Variants in GRIK2 observed in about 807,000 individuals in gnomAD.
GRIK2 encodes the protein glutamate ionotropic receptor kainate type subunit 2, also known as glutamate receptor ionotropic, kainate 2.
A neutral mutation model predicts 100.3 loss-of-function variants in GRIK2; 32 were observed. That is an observed-to-expected ratio of 0.32 (90% CI 0.24 to 0.43). The LOEUF is 0.43. Ranked by LOEUF, GRIK2 falls within the 20% of genes least tolerant of loss-of-function variation. The pLI, the probability that GRIK2 is intolerant of heterozygous loss-of-function variation, is 1.00. For missense variants in GRIK2, 843 were observed against 1,114.9 expected (o/e 0.76, Z 3.47); for synonymous variants, 417 against 389.4 (o/e 1.07, Z -0.83).
intron 4 of GRIK2, among the ~76,000 whole-genome samples, chr6:101,673,323 A>G (rs1199343182): frequency 1.3e-5 from 2 of 152,204 alleles, no homozygotes; most frequent in Non-Finnish European, 2.9e-5. Context: ...ATCTCACACT[A>G]GCCAGCATGG....
At chr6:101,455,413 G>A (rs1013951382) in intron 2 of GRIK2, among the ~76,000 whole-genome samples, 2 of 151,980 alleles carry the variant, frequency 1.3e-5, no homozygotes, top group Admixed American at 1.3e-4. Flanking sequence ...ATTGGGGTTG[G>A]GAGTGGGATG....
intron 14 of GRIK2, among the ~76,000 whole-genome samples, chr6:101,956,370 C>T (rs879039260): frequency 9.9e-5 from 15 of 152,176 alleles, no homozygotes; most frequent in South Asian, 4.1e-4. Context: ...TTTTGATCCA[C>T]GAACTTGAGA....
intron 2 of GRIK2, among the ~76,000 whole-genome samples, chr6:101,579,278 G>T (rs1777937673): frequency 6.6e-6 from 1 of 152,068 alleles, no homozygotes; most frequent in African/African-American, 2.4e-5. Context: ...CAAAATGAAG[G>T]TTGTATATTT....
At chr6:101,429,306 T>A (rs1236371468) in intron 2 of GRIK2, among the ~76,000 whole-genome samples, 2 of 152,198 alleles carry the variant, frequency 1.3e-5, no homozygotes, top group African/African-American at 4.8e-5. Context: ...TACATAGGAC[T>A]AGGAGACATG....
chr6:101,456,158 C>T (rs192199010), intron 2 of GRIK2, among the ~76,000 whole-genome samples: 1 of 150,626 alleles, frequency 6.6e-6, no homozygotes, highest in Admixed American at 6.6e-5. Flanking sequence ...TGCTGAAAGG[C>T]ATATGTGCAT....
At chr6:101,873,160 C>T (rs907873499) in intron 11 of GRIK2, among the ~76,000 whole-genome samples, 17 of 152,012 alleles carry the variant, frequency 1.1e-4, no homozygotes, top group Admixed American at 7.9e-4. Flanking sequence ...GTTTGTTATA[C>T]ATGTATACAT....
chr6:102,050,906 T>C (rs1452187895), intron 15 of GRIK2, among the ~76,000 whole-genome samples: 23 of 152,112 alleles, frequency 1.5e-4, no homozygotes, highest in Admixed American at 1.5e-3. Flanking sequence ...TTGGTGAGAT[T>C]TGTGTTTACT....
intron 7 of GRIK2, among the ~76,000 whole-genome samples, chr6:101,794,336 C>G (rs1165601814): frequency 6.6e-6 from 1 of 151,990 alleles, no homozygotes; most frequent in Non-Finnish European, 1.5e-5. Context: ...GGAGCTGTTC[C>G]TATTCGGTCA....
intron 7 of GRIK2, among the ~76,000 whole-genome samples, chr6:101,778,300 C>A (rs1443440625): frequency 1.3e-5 from 2 of 152,078 alleles, no homozygotes; most frequent in Non-Finnish European, 2.9e-5. Context: ...AATGGACCAT[C>A]TTCCAAGAAA....
chr6:101,465,834 C>T (rs1051063972), intron 2 of GRIK2, among the ~76,000 whole-genome samples: 39 of 152,168 alleles, frequency 2.6e-4, no homozygotes, highest in African/African-American at 9.2e-4. Flanking sequence ...AAGTACTTAG[C>T]AGCATTTCTG....
intron 11 of GRIK2, among the ~76,000 whole-genome samples, chr6:101,883,614 T>C (rs1562462697): frequency 6.6e-6 from 1 of 152,066 alleles, no homozygotes; most frequent in Non-Finnish European, 1.5e-5. Context: ...CTTTGAGTAA[T>C]TGTCAGGCAA....
intron 2 of GRIK2, among the ~76,000 whole-genome samples, chr6:101,618,275 T>C (rs1038797521): frequency 4.0e-5 from 6 of 151,652 alleles, no homozygotes; most frequent in African/African-American, 1.2e-4. Context: ...ACTTTAATAT[T>C]GTTGTCTATA....
intron 7 of GRIK2, among the ~76,000 whole-genome samples, chr6:101,767,102 T>C (rs1316787129): frequency 1.3e-5 from 2 of 152,200 alleles, no homozygotes; most frequent in African/African-American, 4.8e-5. Flanking sequence ...AGGTAAACAT[T>C]GAATACTATC....
intron 15 of GRIK2, among the ~76,000 whole-genome samples, chr6:102,041,407 T>C (rs1770565316): frequency 6.6e-6 from 1 of 151,624 alleles, no homozygotes; most frequent in Non-Finnish European, 1.5e-5. Flanking sequence ...TAGTTGTCCT[T>C]GGGTTAGCAG....
intron 10 of GRIK2, among the ~76,000 whole-genome samples, chr6:101,845,266 T>G (rs754267828): frequency 6.6e-6 from 1 of 152,118 alleles, no homozygotes; most frequent in Non-Finnish European, 1.5e-5. Context: ...CTGCATAGCA[T>G]CCCAAAGCAC....
At chr6:101,922,985 T>TCAGA (rs1274633784) in intron 12 of GRIK2, among the ~76,000 whole-genome samples, 3 of 152,208 alleles carry the variant, frequency 2.0e-5, no homozygotes, top group African/African-American at 7.2e-5. Context: ...TCTATTTCAG[T>TCAGA]CAGACACAAC....
intron 9 of GRIK2, among the ~76,000 whole-genome samples, chr6:101,805,285 G>A (rs544067337): frequency 1.3e-4 from 20 of 149,056 alleles, no homozygotes; most frequent in Admixed American, 3.4e-4. Context: ...TCCTGCCACC[G>A]AACTTCTCTG....
intron 2 of GRIK2, among the ~76,000 whole-genome samples, chr6:101,584,749 A>G (rs2128304250): frequency 6.6e-6 from 1 of 152,166 alleles, no homozygotes; most frequent in East Asian, 1.9e-4. Flanking sequence ...AAAGAGAAAG[A>G]GAAGGAACTG....
At chr6:101,613,806 T>C (rs953320013) in intron 2 of GRIK2, among the ~76,000 whole-genome samples, 3 of 151,030 alleles carry the variant, frequency 2.0e-5, no homozygotes, top group Admixed American at 1.3e-4. Context: ...AGATTAGTCA[T>C]GTGACAAACA....
Sources: allele counts gnomAD v4.1 joint callset (sites outside exome capture counted in the v4.1 genomes callset), GRCh38; gene constraint gnomAD v4.1.1; transcripts MANE v1.5; gene names NCBI Gene and HGNC (gene_info 2026-07-23, HGNC 2026-07-21).